The following ZNF804B variants were observed in gnomAD, a reference collection of about 807,000 sequenced individuals.
ZNF804B encodes zinc finger protein 804B, also known as zinc finger 804B.
In ZNF804B, 80 loss-of-function variants were observed where a neutral mutation model predicts 101.4. The observed-to-expected ratio is 0.79, with a 90% CI of 0.66 to 0.95. The LOEUF is 0.95. ZNF804B is among the 40% of genes least tolerant of loss of function. ZNF804B has a pLI of 0.00. For synonymous variants in ZNF804B, 622 were observed against 558.8 expected, an observed-to-expected ratio of 1.11 and a Z score of -1.59; for missense variants, 1,673 against 1,561.9, an observed-to-expected ratio of 1.07 and a Z score of -1.20.
At chr7:88,768,353 A>G (rs1399438578) in intron 1 of ZNF804B, among the ~76,000 whole-genome samples, 1 of 152,230 alleles carries the variant, frequency 6.6e-6, no homozygotes, top group African/African-American at 2.4e-5. Flanking sequence ...CAGTTTAGCT[A>G]TATATTTATA....
intron 1 of ZNF804B, among the ~76,000 whole-genome samples, chr7:89,046,625 T>A (rs1257075082): frequency 6.6e-6 from 1 of 152,132 alleles, no homozygotes; most frequent in Admixed American, 6.6e-5. Context: ...AAAACATAAA[T>A]GTTATTGTTA....
At chr7:88,850,678 T>C (rs1791439577) in intron 1 of ZNF804B, among the ~76,000 whole-genome samples, 1 of 152,038 alleles carries the variant, frequency 6.6e-6, no homozygotes, top group Admixed American at 6.6e-5. Flanking sequence ...TTAAACATAC[T>C]ATAGAGCAAA....
At chr7:88,871,161 G>A (rs1176736185) in intron 1 of ZNF804B, among the ~76,000 whole-genome samples, 2 of 152,068 alleles carry the variant, frequency 1.3e-5, no homozygotes, top group African/African-American at 2.4e-5. Context: ...GCAAATAGGT[G>A]AAGATACCTG....
At chr7:89,053,141 A>T (rs1487116961) in intron 1 of ZNF804B, among the ~76,000 whole-genome samples, 1 of 152,172 alleles carries the variant, frequency 6.6e-6, no homozygotes, top group Non-Finnish European at 1.5e-5. Context: ...AGAATTTTGT[A>T]AAAGACGTTC....
intron 1 of ZNF804B, among the ~76,000 whole-genome samples, chr7:88,870,309 C>T (rs528149297): frequency 9.1e-5 from 13 of 142,760 alleles, no homozygotes; most frequent in Non-Finnish European, 1.2e-4. Context: ...GGCGTGAACC[C>T]GGGAGGCGGA....
At chr7:88,963,275 AG>A (rs1793413271) in intron 1 of ZNF804B, among the ~76,000 whole-genome samples, 1 of 151,326 alleles carries the variant, frequency 6.6e-6, no homozygotes, top group Non-Finnish European at 1.5e-5. Flanking sequence ...ACATGTACAA[AG>A]GTACAGTAAT....
chr7:89,055,130 G>A (rs12533851), intron 1 of ZNF804B, among the ~76,000 whole-genome samples: 116,531 of 152,010 alleles, frequency 0.77, 44,737 homozygotes, highest in African/African-American at 0.79. Context: ...TTCTTGAAAA[G>A]GTTAATTTTG....
intron 1 of ZNF804B, among the ~76,000 whole-genome samples, chr7:88,831,298 C>G (rs1426549083): frequency 6.6e-6 from 1 of 151,872 alleles, no homozygotes; most frequent in Non-Finnish European, 1.5e-5. Flanking sequence ...CTTGAAATTT[C>G]TCCTTATATC....
At chr7:88,843,605 C>T (rs1791320635) in intron 1 of ZNF804B, among the ~76,000 whole-genome samples, 2 of 152,116 alleles carry the variant, frequency 1.3e-5, no homozygotes, top group African/African-American at 2.4e-5. Flanking sequence ...GGCATGGTGG[C>T]AGGTGCCTGT....
chr7:89,193,890 T>C (rs1480106133), intron 1 of ZNF804B, among the ~76,000 whole-genome samples: 6 of 152,134 alleles, frequency 3.9e-5, no homozygotes, highest in East Asian at 1.9e-4. Context: ...ATCGCCACAC[T>C]GACTTCCACA....
chr7:88,885,215 C>G (rs1334013410), intron 1 of ZNF804B, among the ~76,000 whole-genome samples: 1 of 151,864 alleles, frequency 6.6e-6, no homozygotes, highest in African/African-American at 2.4e-5. Context: ...ACATTATCTG[C>G]TACCTTCCTC....
At chr7:89,160,051 T>C (rs576293215) in intron 1 of ZNF804B, among the ~76,000 whole-genome samples, 1 of 152,322 alleles carries the variant, frequency 6.6e-6, no homozygotes, top group African/African-American at 2.4e-5. Context: ...TCACTCTCTC[T>C]TAATCTTGAT....
At chr7:89,297,002 AATT>A (rs931360268) in intron 2 of ZNF804B, among the ~76,000 whole-genome samples, 6 of 152,046 alleles carry the variant, frequency 3.9e-5, no homozygotes, top group Non-Finnish European at 8.8e-5. Context: ...ACTAACCAAT[AATT>A]ATGTGTACAA....
chr7:88,938,331 T>C (rs1311232595), intron 1 of ZNF804B, among the ~76,000 whole-genome samples: 1 of 152,056 alleles, frequency 6.6e-6, no homozygotes, highest in Non-Finnish European at 1.5e-5. Context: ...TTAATCTCTT[T>C]AGGATTGGGA....
chr7:88,853,354 G>A (rs1791473483), intron 1 of ZNF804B, among the ~76,000 whole-genome samples: 1 of 152,166 alleles, frequency 6.6e-6, no homozygotes, highest in Admixed American at 6.6e-5. Flanking sequence ...AATATGTAAA[G>A]GATTTATTTA....
chr7:88,761,839 G>A (rs569377867), intron 1 of ZNF804B, among the ~76,000 whole-genome samples: 1 of 152,202 alleles, frequency 6.6e-6, no homozygotes, highest in South Asian at 2.1e-4. Context: ...AAATCTGTAG[G>A]GCTTGCAGAA....
chr7:89,183,392 A>T (rs1788328617), intron 1 of ZNF804B, among the ~76,000 whole-genome samples: 1 of 152,162 alleles, frequency 6.6e-6, no homozygotes, highest in Non-Finnish European at 1.5e-5. Flanking sequence ...AGAGAGTAAA[A>T]AAAAAGATCC....
chr7:88,911,409 T>C (rs929264624), intron 1 of ZNF804B, among the ~76,000 whole-genome samples: 1 of 149,692 alleles, frequency 6.7e-6, no homozygotes, highest in Admixed American at 6.7e-5. Flanking sequence ...AATGTATATA[T>C]CATTATATAA....
At chr7:88,981,762 G>T (rs946058306) in intron 1 of ZNF804B, among the ~76,000 whole-genome samples, 1 of 152,054 alleles carries the variant, frequency 6.6e-6, no homozygotes, top group South Asian at 2.1e-4. Flanking sequence ...TTGTGATAGG[G>T]TTGCACTGAA....
Sources: allele counts gnomAD v4.1 joint callset (sites outside exome capture counted in the v4.1 genomes callset), GRCh38; gene constraint gnomAD v4.1.1; transcripts MANE v1.5; gene names NCBI Gene and HGNC (gene_info 2026-07-23, HGNC 2026-07-21).